THRB: variants seen among roughly 807,000 people sequenced by gnomAD.
THRB encodes the protein thyroid hormone receptor beta, also known as nuclear receptor subfamily 1 group A member 2.
THRB carries 12 observed loss-of-function variants against 47.8 expected under a neutral mutation model. The observed-to-expected ratio is 0.25, with a 90% confidence interval of 0.16 to 0.41. The LOEUF (loss-of-function observed/expected upper bound fraction) is 0.41. Ranked by LOEUF, THRB falls within the 10% of genes least tolerant of loss-of-function variation. THRB has a pLI of 1.00. For synonymous variants in THRB, 218 were observed against 212.2 expected (o/e 1.03, Z -0.24); for missense variants, 348 against 589.2 (o/e 0.59, Z 4.24).
chr3:24,393,066 T>C (rs1455571074), intron 1 of THRB, among the ~76,000 whole-genome samples: 1 of 152,096 alleles, frequency 6.6e-6, no homozygotes, highest in East Asian at 1.9e-4. Flanking sequence ...GACTTCTGAG[T>C]TTTTTTCTGT....
intron 5 of THRB, among the ~76,000 whole-genome samples, chr3:24,173,689 C>T (rs1318840293): frequency 6.6e-6 from 1 of 152,214 alleles, no homozygotes; most frequent in Non-Finnish European, 1.5e-5. Flanking sequence ...TCTTTTCAGT[C>T]ATCTTCAAGG....
chr3:24,443,749 G>T (rs953170232), intron 1 of THRB, among the ~76,000 whole-genome samples: 1 of 152,128 alleles, frequency 6.6e-6, no homozygotes, highest in African/African-American at 2.4e-5. Context: ...ATCAAGTCTG[G>T]TGTTAAACAC....
At chr3:24,275,761 C>G (rs976597400) in intron 3 of THRB, among the ~76,000 whole-genome samples, 9 of 152,154 alleles carry the variant, frequency 5.9e-5, no homozygotes, top group Non-Finnish European at 1.3e-4. Flanking sequence ...TGCATTGGCT[C>G]TCAGTTCTTG....
intron 3 of THRB, among the ~76,000 whole-genome samples, chr3:24,239,630 G>A (rs1276702017): frequency 6.6e-6 from 1 of 152,058 alleles, no homozygotes; most frequent in Non-Finnish European, 1.5e-5. Flanking sequence ...GGTTGTCTCA[G>A]GGAGCTAGGA....
In THRB at chr3:24,119,411, C is replaced by T. The variant is rs927500181; in HGVS notation, c.*3473G>A. Reference sequence around the variant, plus strand: ...GTAAGACTGATTTCATAATTTATGACTCATGCAGCAAAAGGTCAATATGAC... The same window carrying T: ...GTAAGACTGATTTCATAATTTATGATTCATGCAGCAAAAGGTCAATATGAC... On this transcript the variant is annotated 3_prime_UTR_variant, in exon 11 of 11. Coordinates refer to ENST00000646209, the MANE Select transcript of THRB (RefSeq NM_001354712.2). 6.6e-6 allele frequency: 1 copy of T among 152,182 alleles called. No homozygotes were observed. The highest frequency in any genetic ancestry group is 1.5e-5 in the Non-Finnish European group (1 of 68,034). The allele number at this position is 152,182 out of a possible 1,614,324, so 9.4% of individuals were successfully genotyped here.
At position 24,494,112 on chromosome 3, in the gene THRB, A is replaced by G. The variant is rs942141883; in HGVS notation, c.-261+540T>C. On this transcript the variant is annotated intron_variant, in intron 1 of 10. Coordinates refer to ENST00000646209, the MANE Select transcript of THRB (RefSeq NM_001354712.2). ...AGTCGCCAGGCACCGGCCACGGCGCACGCCAACATCCAGGATAATTCTCCT... is the reference window on the plus strand; with the variant it reads ...AGTCGCCAGGCACCGGCCACGGCGCGCGCCAACATCCAGGATAATTCTCCT... The G allele has an allele frequency of 1.2e-4, 19 of 152,864 alleles. No individual in the cohort carries two copies. In the Admixed American group the frequency reaches 1.2e-3, roughly 10 times the overall value. 9.5% of individuals were successfully genotyped at this position (152,864 alleles called of 1,614,324 possible). A position where few individuals can be genotyped will look rare whatever the true frequency, so the allele number is the denominator to read the frequency against.
At chr3:24,166,159 G>T (rs2683543) in intron 5 of THRB, among the ~76,000 whole-genome samples, 43,479 of 152,086 alleles carry the variant, frequency 0.29, 6,606 homozygotes, top group Admixed American at 0.46. Flanking sequence ...TGTTCCTTGC[G>T]CATGATTATT....
intron 3 of THRB, among the ~76,000 whole-genome samples, chr3:24,285,383 G>A (rs2055162672): frequency 6.9e-6 from 1 of 144,100 alleles, no homozygotes; most frequent in African/African-American, 2.6e-5. Context: ...ATTGAACTAT[G>A]AGAACACATG....
chr3:24,195,153 C>A (rs771927640), intron 4 of THRB, among the ~76,000 whole-genome samples: 5 of 152,124 alleles, frequency 3.3e-5, no homozygotes, highest in Non-Finnish European at 5.9e-5. Context: ...AGACTATGTA[C>A]GCCTCAACTG....
At chr3:24,429,624 T>G (rs2150369744) in intron 1 of THRB, among the ~76,000 whole-genome samples, 1 of 152,222 alleles carries the variant, frequency 6.6e-6, no homozygotes, top group African/African-American at 2.4e-5. Context: ...TAATCATGTT[T>G]CAAAATGAAT....
chr3:24,342,884 A>T (rs894676771), intron 1 of THRB, among the ~76,000 whole-genome samples: 1 of 152,198 alleles, frequency 6.6e-6, no homozygotes, highest in South Asian at 2.1e-4. Context: ...AGGGAATAGC[A>T]AGTATTCTGG....
At chr3:24,332,769 AAC>A (rs1262643041) in intron 2 of THRB, among the ~76,000 whole-genome samples, 21 of 152,222 alleles carry the variant, frequency 1.4e-4, no homozygotes, top group Non-Finnish European at 2.5e-4. Flanking sequence ...ATAAAACTCA[AAC>A]ACGGGCTGGG....
chr3:24,446,961 T>C (rs1273038224), intron 1 of THRB, among the ~76,000 whole-genome samples: 1 of 152,148 alleles, frequency 6.6e-6, no homozygotes, highest in African/African-American at 2.4e-5. Context: ...GTCAAGATAG[T>C]TGTTGTCCTT....
At chr3:24,123,803 T>C (rs1188373357) in intron 10 of THRB, among the ~76,000 whole-genome samples, 2 of 152,044 alleles carry the variant, frequency 1.3e-5, no homozygotes, top group East Asian at 1.9e-4. Flanking sequence ...AGAACAGCTA[T>C]AGTGGGAGCT....
intron 10 of THRB, among the ~76,000 whole-genome samples, chr3:24,124,102 A>G (rs2148795290): frequency 6.6e-6 from 1 of 152,298 alleles, no homozygotes; most frequent in East Asian, 1.9e-4. Context: ...GATCAAATGA[A>G]TTCACACTTC....
chr3:24,363,338 C>T (rs541543293), intron 1 of THRB, among the ~76,000 whole-genome samples: 50 of 152,260 alleles, frequency 3.3e-4, no homozygotes, highest in Non-Finnish European at 4.6e-4. Context: ...CTCATTAACT[C>T]TGTTTTTAAT....
chr3:24,400,789 C>T (rs538364620), intron 1 of THRB, among the ~76,000 whole-genome samples: 1 of 152,134 alleles, frequency 6.6e-6, no homozygotes, highest in South Asian at 2.1e-4. Context: ...CTCTGAAATC[C>T]GTGATTCATA....
At chr3:24,361,404 G>A (rs1240133279) in intron 1 of THRB, among the ~76,000 whole-genome samples, 1 of 152,122 alleles carries the variant, frequency 6.6e-6, no homozygotes, top group African/African-American at 2.4e-5. Context: ...TGAAGTCTTG[G>A]AGAATGAATA....
intron 1 of THRB, among the ~76,000 whole-genome samples, chr3:24,427,538 T>C (rs745503198): frequency 2.0e-5 from 3 of 152,038 alleles, no homozygotes; most frequent in Non-Finnish European, 4.4e-5. Flanking sequence ...TAGTGAGATA[T>C]AGAATCCATA....
Sources: gnomAD v4.1 joint callset for allele counts (sites outside exome capture counted in the v4.1 genomes callset) on GRCh38, gnomAD v4.1.1 for gene constraint, MANE v1.5 for transcripts, NCBI Gene and HGNC (gene_info 2026-07-23, HGNC 2026-07-21) for gene names.